The following ADAMTS12 variants were observed in gnomAD, a reference collection of about 807,000 sequenced individuals.
ADAMTS12 encodes the protein ADAM metallopeptidase with thrombospondin type 1 motif 12, also known as A disintegrin and metalloproteinase with thrombospondin motifs 12.
Under a neutral mutation model 167.8 loss-of-function variants are expected in ADAMTS12, and 118 were observed. That is an observed-to-expected ratio of 0.70 (90% confidence interval 0.61 to 0.82). The LOEUF (loss-of-function observed/expected upper bound fraction) is 0.82. Among genes scored for constraint, ADAMTS12 ranks in the 40% least tolerant of loss-of-function variants. The pLI, the probability that ADAMTS12 is intolerant of heterozygous loss-of-function variation, is 0.00. For missense variants in ADAMTS12, 1,916 were observed against 1,998.8 expected (o/e 0.96, Z 0.79); for synonymous variants, 704 against 716.9 (o/e 0.98, Z 0.29).
intron 20 of ADAMTS12, among the ~76,000 whole-genome samples, chr5:33,559,889 A>C (rs1745654808): frequency 6.6e-6 from 1 of 152,196 alleles, no homozygotes; most frequent in Admixed American, 6.5e-5. Flanking sequence ...CAAAAAAATA[A>C]AAATAAAAAT....
At chr5:33,828,302 T>C (rs1012217839) in intron 2 of ADAMTS12, among the ~76,000 whole-genome samples, 1 of 152,226 alleles carries the variant, frequency 6.6e-6, no homozygotes, top group South Asian at 2.1e-4. Flanking sequence ...CATATATTTA[T>C]TAAGCAATTC....
At chr5:33,557,743 C>T (rs943366135) in intron 20 of ADAMTS12, among the ~76,000 whole-genome samples, 7 of 152,172 alleles carry the variant, frequency 4.6e-5, no homozygotes, top group Non-Finnish European at 1.0e-4. Context: ...TGTTATATCT[C>T]AGCCTGTTAG....
At chr5:33,714,038 T>G (rs1158677930) in intron 3 of ADAMTS12, among the ~76,000 whole-genome samples, 2 of 152,130 alleles carry the variant, frequency 1.3e-5, no homozygotes, top group Non-Finnish European at 2.9e-5. Context: ...ATACCACTTG[T>G]ATTTATTTGA....
intron 2 of ADAMTS12, among the ~76,000 whole-genome samples, chr5:33,878,107 T>C (rs764473385): frequency 2.6e-5 from 4 of 152,190 alleles, no homozygotes; most frequent in Non-Finnish European, 5.9e-5. Context: ...CTACACTGGA[T>C]GTCAGACCCT....
chr5:33,827,027 C>G (rs1406053678), intron 2 of ADAMTS12, among the ~76,000 whole-genome samples: 2 of 151,530 alleles, frequency 1.3e-5, no homozygotes, highest in Admixed American at 1.3e-4. Flanking sequence ...TTAAATAGCT[C>G]TCAGTTCATC....
In ADAMTS12 at chr5:33,877,933, C is replaced by G. The variant is rs576834503; in HGVS notation, c.489+3186G>C. Among the ~76,000 whole-genome samples the G allele has an allele frequency of 7.9e-5, 12 of 152,292 alleles. No individual in the cohort carries two copies. In the East Asian group the frequency reaches 1.7e-3, roughly 22 times the overall value. On this transcript the variant is annotated intron_variant, in intron 2 of 23. Coordinates refer to ENST00000504830, the MANE Select transcript of ADAMTS12 (RefSeq NM_030955.4). ...AGCCAGGCTTGCACCCCAGGAATGA[C>G]AGGCAGACGTCCTGGTCCACATGAA...
rs201402268 is a variant in ADAMTS12, at chr5:33,720,280, T to TCACACACA, written c.634+31123_634+31124insTGTGTGTG. Among the ~76,000 whole-genome samples the TCACACACA allele has an allele frequency of 1.4e-3, 89 of 62,416 alleles. 1 individual carries two copies. The highest frequency in any genetic ancestry group is 6.2e-3 in the East Asian group (21 of 3,370). 40.9% of individuals were successfully genotyped at this position (62,416 alleles called of 152,430 possible). A position where few individuals can be genotyped will look rare whatever the true frequency, so the allele number is the denominator to read the frequency against. ...TTCCATTCACCCCTCTCTCTCTCTCTCACTCACACACACACACACACACAC... is the reference window on the plus strand; with the variant it reads ...TTCCATTCACCCCTCTCTCTCTCTCTCACACACACACTCACACACACACACACACACAC... On this transcript the variant is annotated intron_variant, in intron 3 of 23. Transcript: ENST00000504830.
intron 2 of ADAMTS12, among the ~76,000 whole-genome samples, chr5:33,793,403 G>A (rs1361899786): frequency 6.6e-6 from 1 of 152,150 alleles, no homozygotes; most frequent in South Asian, 2.1e-4. Flanking sequence ...GATTACTTAA[G>A]AATAATCTTC....
At chr5:33,836,518 G>A (rs1406751983) in intron 2 of ADAMTS12, among the ~76,000 whole-genome samples, 2 of 152,198 alleles carry the variant, frequency 1.3e-5, no homozygotes, top group African/African-American at 4.8e-5. Flanking sequence ...AGGGTGGACA[G>A]GACAAGAACT....
intron 3 of ADAMTS12, among the ~76,000 whole-genome samples, chr5:33,686,936 TAGAGAG>T (rs1554035094): frequency 6.9e-6 from 1 of 145,638 alleles, no homozygotes. Context: ...TATATATATA[TAGAGAG>T]AGAGAGAGAG....
At position 33,527,150 on chromosome 5, in the gene ADAMTS12, G is replaced by C; in HGVS notation, c.*38C>G. 1 of 1,609,774 alleles carries C rather than the reference G, an allele frequency of 6.2e-7. No homozygotes were observed. Among genetic ancestry groups the C allele is most frequent in the East Asian group, 2.2e-5 (1 of 44,832 alleles). On this transcript the variant is annotated 3_prime_UTR_variant, in exon 24 of 24. Coordinates refer to ENST00000504830, the MANE Select transcript of ADAMTS12 (RefSeq NM_030955.4). ...GGCTAAAGCATGTCATGGTCAGCAG[G>C]CTGCTGCAGTCTGGTGGAAGCTGGC...
intron 2 of ADAMTS12, among the ~76,000 whole-genome samples, chr5:33,805,193 G>A (rs1199983394): frequency 6.6e-6 from 1 of 152,116 alleles, no homozygotes; most frequent in Non-Finnish European, 1.5e-5. Context: ...AACAAAAGGA[G>A]CCACCCTCCA....
intron 2 of ADAMTS12, among the ~76,000 whole-genome samples, chr5:33,786,481 A>G (rs1035717001): frequency 2.0e-5 from 3 of 151,730 alleles, no homozygotes; most frequent in African/African-American, 7.3e-5. Flanking sequence ...TTTAACACAC[A>G]TAGACTTCCT....
At chr5:33,725,845 T>A (rs903704973) in intron 3 of ADAMTS12, among the ~76,000 whole-genome samples, 1 of 152,150 alleles carries the variant, frequency 6.6e-6, no homozygotes, top group Non-Finnish European at 1.5e-5. Context: ...TGGGTTCCAC[T>A]CAAGGCTGAT....
intron 20 of ADAMTS12, among the ~76,000 whole-genome samples, chr5:33,553,047 G>A (rs529332240): frequency 6.6e-6 from 1 of 152,160 alleles, no homozygotes; most frequent in East Asian, 1.9e-4. Flanking sequence ...ATAAAAAAGT[G>A]AGCAAAGGAC....
chr5:33,591,429 G>A (rs1160735671), intron 17 of ADAMTS12, among the ~76,000 whole-genome samples: 1 of 152,226 alleles, frequency 6.6e-6, no homozygotes, highest in South Asian at 2.1e-4. Flanking sequence ...TTTCCTTTAA[G>A]AAATCAAATT....
chr5:33,883,100 C>A (rs567546496), intron 1 of ADAMTS12, among the ~76,000 whole-genome samples: 3 of 152,274 alleles, frequency 2.0e-5, no homozygotes, highest in East Asian at 1.9e-4. Flanking sequence ...TTTCCCTGAA[C>A]CCTCATGCCC....
At position 33,670,132 on chromosome 5, in the gene ADAMTS12, G is replaced by A. The variant is rs546275453; in HGVS notation, c.916-8092C>T. On this transcript the variant is annotated intron_variant, in intron 5 of 23. Coordinates refer to ENST00000504830, the MANE Select transcript of ADAMTS12 (RefSeq NM_030955.4). The stretch of plus-strand genomic sequence containing the variant: ...GACGAAAGACTTATATTTAAAATAC[G>A]TAAAGAGCTCTCAACACTCAACAAT... Among the ~76,000 whole-genome samples, 6 of 141,324 alleles carry A rather than the reference G, an allele frequency of 4.2e-5. No individual in the cohort carries two copies. The South Asian group carries it at 7.4e-4, about 17-fold the overall frequency. 92.7% of individuals were successfully genotyped at this position (141,324 alleles called of 152,430 possible). A position where few individuals can be genotyped will look rare whatever the true frequency, so the allele number is the denominator to read the frequency against.
rs142192655 is a variant in ADAMTS12 at position 33,827,172 on chromosome 5, G to A, written c.489+53947C>T. On this transcript the variant is annotated intron_variant, in intron 2 of 23. Coordinates refer to ENST00000504830, the MANE Select transcript of ADAMTS12 (RefSeq NM_030955.4). ...AGCACTTTCAGAATTGACCCTGAAA[G>A]AAAGCAGAGTTTTCTCCAGCTGGGC... Among the ~76,000 whole-genome samples, 322 of 32,772 alleles carry A rather than the reference G, an allele frequency of 9.8e-3. 21 individuals are homozygous for A. Among genetic ancestry groups the A allele is most frequent in the African/African-American group, 0.024 (311 of 12,888 alleles). 21.5% of individuals were successfully genotyped at this position (32,772 alleles called of 152,430 possible).
Sources: gnomAD v4.1 joint callset for allele counts (sites outside exome capture counted in the v4.1 genomes callset) on GRCh38, gnomAD v4.1.1 for gene constraint, MANE v1.5 for transcripts, NCBI Gene and HGNC (gene_info 2026-07-23, HGNC 2026-07-21) for gene names.